Variants in RLN2 observed in about 807,000 individuals in gnomAD.
RLN2 encodes the protein prorelaxin H2.
Under a neutral mutation model 7.3 loss-of-function variants are expected in RLN2, and 10 were observed. The observed-to-expected ratio is 1.36, with a 90% CI of 0.84 to 2.31. The LOEUF is 2.31. Among genes scored for constraint, RLN2 ranks in the 30% most tolerant of loss-of-function variants. RLN2 has a pLI of 0.00. For missense variants in RLN2, 298 were observed against 217.6 expected (o/e 1.37, Z -2.32); for synonymous variants, 103 against 82.3 (o/e 1.25, Z -1.36).
At chr9:5,317,950 G>A in the RLN2 span, among the ~76,000 whole-genome samples, 19 of 151,520 alleles carry the variant, frequency 1.3e-4, no homozygotes, top group African/African-American at 3.6e-4. Context: ...ATGCAAAATC[G>A]TACGACCCTT....
the RLN2 span, among the ~76,000 whole-genome samples, chr9:5,328,239 C>G: frequency 9.2e-5 from 14 of 152,074 alleles, 1 homozygote; most frequent in African/African-American, 3.4e-4. Flanking sequence ...AGCTGAAAAC[C>G]ATGCCATGAG....
the RLN2 span, among the ~76,000 whole-genome samples, chr9:5,310,505 T>A: frequency 5.9e-5 from 9 of 152,042 alleles, no homozygotes; most frequent in African/African-American, 2.2e-4. Flanking sequence ...TCTTCCTCGC[T>A]AGGGTGACAG....
chr9:5,325,801 T>C, the RLN2 span, among the ~76,000 whole-genome samples: 63,969 of 151,810 alleles, frequency 0.42, 13,964 homozygotes, highest in Non-Finnish European at 0.46. Flanking sequence ...TGTAGTTCTA[T>C]AAATTCTTTA....
the RLN2 span, among the ~76,000 whole-genome samples, chr9:5,309,926 A>G: frequency 2.0e-5 from 3 of 151,944 alleles, no homozygotes; most frequent in African/African-American, 7.3e-5. Context: ...GATTACTAGA[A>G]CTAGGGAAAG....
chr9:5,336,630 A>C, the RLN2 span, among the ~76,000 whole-genome samples: 7,731 of 152,158 alleles, frequency 0.051, 731 homozygotes, highest in African/African-American at 0.18. Flanking sequence ...AACCTTAATT[A>C]TCCTAATTAT....
chr9:5,315,645 A>T, the RLN2 span, among the ~76,000 whole-genome samples: 119 of 152,172 alleles, frequency 7.8e-4, 2 homozygotes, highest in African/African-American at 2.8e-3. Flanking sequence ...TCCAAGTTGC[A>T]TTACAACTAA....
chr9:5,330,877 A>G, the RLN2 span, among the ~76,000 whole-genome samples: 1 of 151,768 alleles, frequency 6.6e-6, no homozygotes, highest in Non-Finnish European at 1.5e-5. Context: ...GAAAAGAGAG[A>G]AGAATCAAAG....
At position 5,300,590 on chromosome 9, in the gene RLN2, C is replaced by G. The variant is rs1304134588; in HGVS notation, c.212-146G>C. ...ACAAAATAAGCAAGCATCCTAATAT[C>G]TAAACACTTAGCTTACTTACAGTTG... On this transcript the variant is annotated intron_variant, in intron 1 of 1. Transcript: ENST00000381627. 4 of 623,032 alleles carry G rather than the reference C, an allele frequency of 6.4e-6. No individual in the cohort carries two copies. The African/African-American group carries it at 7.4e-5, about 11-fold the overall frequency. 38.6% of individuals were successfully genotyped at this position (623,032 alleles called of 1,614,324 possible). A position where few individuals can be genotyped will look rare whatever the true frequency, so the allele number is the denominator to read the frequency against.
At chr9:5,320,619 C>T in the RLN2 span, among the ~76,000 whole-genome samples, 2 of 152,042 alleles carry the variant, frequency 1.3e-5, no homozygotes, top group Non-Finnish European at 2.9e-5. Context: ...GATCCGCCCA[C>T]CTCAGCCTCC....
the RLN2 span, among the ~76,000 whole-genome samples, chr9:5,321,634 G>A: frequency 2.0e-5 from 3 of 151,866 alleles, no homozygotes; most frequent in African/African-American, 7.3e-5. Flanking sequence ...AGGGTGGGGG[G>A]AAGCAATGGA....
chr9:5,300,787 G>A (rs1816105710), intron 1 of RLN2, among the ~76,000 whole-genome samples: 1 of 152,162 alleles, frequency 6.6e-6, no homozygotes. Context: ...TTTGACCACA[G>A]CTAGTGGTCA....
upstream of RLN2, among the ~76,000 whole-genome samples, chr9:5,306,955 C>T (rs540805727): frequency 6.6e-6 from 1 of 151,996 alleles, no homozygotes; most frequent in African/African-American, 2.4e-5. Flanking sequence ...TCTGGGAAAG[C>T]CTTTATTTCC....
At chr9:5,316,399 G>A in the RLN2 span, among the ~76,000 whole-genome samples, 7 of 151,550 alleles carry the variant, frequency 4.6e-5, no homozygotes, top group Admixed American at 2.0e-4. Flanking sequence ...CCATCAACCC[G>A]ATATCTACAT....
chr9:5,323,940 C>T, the RLN2 span, among the ~76,000 whole-genome samples: 2 of 151,708 alleles, frequency 1.3e-5, no homozygotes, highest in Non-Finnish European at 2.9e-5. Flanking sequence ...CCCAGCTACC[C>T]AGGAGGCTGA....
chr9:5,320,553 T>C, the RLN2 span, among the ~76,000 whole-genome samples: 1 of 151,140 alleles, frequency 6.6e-6, no homozygotes, highest in Non-Finnish European at 1.5e-5. Flanking sequence ...GTGTTTTTAG[T>C]AGAGATGGAG....
the RLN2 span, among the ~76,000 whole-genome samples, chr9:5,332,760 C>T: frequency 1.1e-4 from 17 of 151,854 alleles, no homozygotes; most frequent in African/African-American, 3.6e-4. Flanking sequence ...GGATTACAGG[C>T]GCACACCACC....
At chr9:5,337,490 G>A in the RLN2 span, among the ~76,000 whole-genome samples, 6 of 151,954 alleles carry the variant, frequency 3.9e-5, no homozygotes, top group Non-Finnish European at 7.4e-5. Context: ...TACTGAAATA[G>A]ATCTCTGGTT....
chr9:5,336,559 T>C, the RLN2 span, among the ~76,000 whole-genome samples: 2 of 152,196 alleles, frequency 1.3e-5, no homozygotes, highest in South Asian at 2.1e-4. Flanking sequence ...AGTTAAAAGA[T>C]ATAAATTTTT....
chr9:5,304,549 C>T lies in RLN2; in HGVS notation c.32G>A (p.Gly11Glu), dbSNP rs2012109. 3.0e-4 allele frequency: 482 copies of T among 1,612,846 alleles called. 7 individuals are homozygous for T. In the South Asian group the frequency reaches 3.1e-3, roughly 10 times the overall value. ...AAATTGGTTCAGTAGTAAACAGACT[C>T]CTAGCAGGTGGAAAAAAAACAGGCG... MPRLFFFHLL[G>E]VCLLLNQFSR... The change falls in exon 1 of 2, where the codon GGA (glycine) becomes GAA (glutamate). Residue 11 changes from glycine to glutamate, a missense_variant. Coordinates refer to ENST00000381627, the MANE Select transcript of RLN2 (RefSeq NM_134441.3).
Sources: allele counts gnomAD v4.1 joint callset (sites outside exome capture counted in the v4.1 genomes callset), GRCh38; gene constraint gnomAD v4.1.1; transcripts MANE v1.5; gene names NCBI Gene and HGNC (gene_info 2026-07-23, HGNC 2026-07-21).